Variants in METTL8 observed in about 807,000 individuals in gnomAD.
METTL8 encodes tRNA N(3)-cytidine methyltransferase METTL8, mitochondrial.
METTL8 carries 32 observed loss-of-function variants against 48.7 expected under a neutral mutation model. That is an observed-to-expected ratio of 0.66 (90% CI 0.50 to 0.88). METTL8 has a LOEUF of 0.88. METTL8 is among the 40% of genes least tolerant of loss of function. The pLI is 0.00. For missense variants in METTL8, 464 were observed against 474.4 expected, an observed-to-expected ratio of 0.98 and a Z score of 0.20; for synonymous variants, 136 against 157.1, an observed-to-expected ratio of 0.87 and a Z score of 1.01.
chr2:171,387,179 T>C (rs1467337046), intron 2 of METTL8, among the ~76,000 whole-genome samples: 3 of 152,278 alleles, frequency 2.0e-5, no homozygotes, highest in South Asian at 2.1e-4. Flanking sequence ...AAGCTGCCTA[T>C]GCATGGCTAA....
In METTL8 at chr2:171,339,190, T is replaced by C; in HGVS notation, c.600A>G (p.Ile200Met). Residue 200 changes from isoleucine (I) to methionine (M), a missense_variant, in exon 4 of 10, where the codon ATA becomes ATG. Transcript: ENST00000375258. ...LFPGSNATFR[I>M]LEVGCGAGNS... ...TGTCCCTTGAGCACAATACCTCTAG[T>C]ATCCTGAAAGTGGCATTGCTACCAG... The C allele has an allele frequency of 6.6e-7, 1 of 1,526,344 alleles. No individual in the cohort carries two copies. The allele number at this position is 1,526,344 out of a possible 1,614,324, so 94.6% of individuals were successfully genotyped here.
At position 171,316,990 on chromosome 2, in the gene METTL8, A is replaced by G. The variant is rs550625610; in HGVS notation, c.*7182T>C. 2.0e-5 allele frequency among the ~76,000 whole-genome samples: 3 copies of G among 152,320 alleles called. No homozygotes were observed. Among genetic ancestry groups the G allele is most frequent in the South Asian group, 4.1e-4 (2 of 4,826 alleles). On this transcript the variant is annotated 3_prime_UTR_variant, in exon 10 of 10. Coordinates refer to ENST00000375258, the MANE Select transcript of METTL8 (RefSeq NM_001321154.2). ...TGTTTAGCAGGACTGCCTCAGGAGGAACACAAGTTGCTCTCAGGAGGCAGA... is the reference window on the plus strand; with the variant it reads ...TGTTTAGCAGGACTGCCTCAGGAGGGACACAAGTTGCTCTCAGGAGGCAGA...
chr2:171,379,733 C>G (rs1490986775), intron 2 of METTL8, among the ~76,000 whole-genome samples: 1 of 152,114 alleles, frequency 6.6e-6, no homozygotes, highest in Non-Finnish European at 1.5e-5. Flanking sequence ...AGACCAATAA[C>G]AAGTTCTGAA....
rs193142428 is a variant in METTL8, at chr2:171,430,071, C to T, written c.-13+3812G>A. Among the ~76,000 whole-genome samples, 25 of 150,250 alleles carry T rather than the reference C, an allele frequency of 1.7e-4. No homozygotes were observed. The East Asian group carries it at 3.8e-3, about 23-fold the overall frequency. On this transcript the variant is annotated intron_variant, in intron 1 of 9. Coordinates refer to ENST00000375258, the MANE Select transcript of METTL8 (RefSeq NM_001321154.2). ...AAAGAAAAAAAAAAAAGGAATTCTG[C>T]TATGGGCCAGGAACGGTAGCTCATG...
Position 171,397,973 on chromosome 2 carries a change from A to G in METTL8, c.-12-5776T>C, listed in dbSNP as rs74650574. On this transcript the variant is annotated intron_variant, in intron 1 of 9. Coordinates refer to ENST00000375258, the MANE Select transcript of METTL8 (RefSeq NM_001321154.2). ...CTGGTATTTAAAAACAGCAACAACA[A>G]CCCAGAATATAACAAGTATTGGTGA... Among the ~76,000 whole-genome samples the G allele has an allele frequency of 7.4e-3, 1,122 of 152,316 alleles. 16 individuals are homozygous for G. The highest frequency in any genetic ancestry group is 0.024 in the African/African-American group (1,012 of 41,562).
intron 2 of METTL8, among the ~76,000 whole-genome samples, chr2:171,391,821 G>C (rs1688606059): frequency 6.6e-6 from 1 of 152,098 alleles, no homozygotes; most frequent in Non-Finnish European, 1.5e-5. Flanking sequence ...GAACTCCAAG[G>C]CTACTAAAAG....
intron 3 of METTL8, among the ~76,000 whole-genome samples, chr2:171,359,173 C>T (rs867652103): frequency 3.7e-5 from 4 of 109,574 alleles, no homozygotes; most frequent in African/African-American, 1.4e-4. Flanking sequence ...GACCCTGTCT[C>T]AAAAAAAAAA....
rs531958508 is a variant in METTL8, at chr2:171,367,575, T to C, written c.144-7062A>G. Among the ~76,000 whole-genome samples, 25 of 152,306 alleles carry C rather than the reference T, an allele frequency of 1.6e-4. No individual in the cohort carries two copies. The East Asian group carries it at 2.9e-3, about 18-fold the overall frequency. On this transcript the variant is annotated intron_variant, in intron 2 of 9. Coordinates refer to ENST00000375258, the MANE Select transcript of METTL8 (RefSeq NM_001321154.2). ...AGGGGACCACACGGAGTCTCAGATCTACAGGGTGAAAAAAAGAGACCAGAA... is the reference window on the plus strand; with the variant it reads ...AGGGGACCACACGGAGTCTCAGATCCACAGGGTGAAAAAAAGAGACCAGAA...
At position 171,316,874 on chromosome 2, in the gene METTL8, T is replaced by C. The variant is rs548309042; in HGVS notation, c.*7298A>G. Among the ~76,000 whole-genome samples the C allele has an allele frequency of 3.9e-5, 6 of 152,282 alleles. No individual in the cohort carries two copies. In the South Asian group the frequency reaches 1.2e-3, roughly 32 times the overall value. On this transcript the variant is annotated 3_prime_UTR_variant, in exon 10 of 10. Transcript: ENST00000375258. Reference sequence around the variant, plus strand: ...AATTTTCAGTGCGAGTGCCAAATGCTGCTTAGGGGGATATGTCTCTGCTCA... The same window carrying C: ...AATTTTCAGTGCGAGTGCCAAATGCCGCTTAGGGGGATATGTCTCTGCTCA...
intron 3 of METTL8, among the ~76,000 whole-genome samples, chr2:171,356,673 G>T (rs1051244973): frequency 1.3e-5 from 2 of 151,584 alleles, no homozygotes; most frequent in Admixed American, 6.6e-5. Flanking sequence ...TTGTCTTTCT[G>T]TGCTTGACTT....
Position 171,317,678 on chromosome 2 carries a change from AAACCACAG to A in METTL8, c.*6486_*6493del, listed in dbSNP as rs1684327583. ...CCTTACTTAAGGTTAAGTGGTTGTG[AAACCACAG>A]ACACTGTAGAATCAGAAGCTGTTGT... On this transcript the variant is annotated 3_prime_UTR_variant, in exon 10 of 10. Transcript: ENST00000375258. 2 of 152,204 alleles carry A rather than the reference AAACCACAG, an allele frequency of 1.3e-5. No individual in the cohort carries two copies. Among genetic ancestry groups the A allele is most frequent in the African/African-American group, 2.4e-5 (1 of 41,450 alleles). 9.4% of individuals were successfully genotyped at this position (152,204 alleles called of 1,614,324 possible).
chr2:171,396,974 C>T (rs999361310), intron 1 of METTL8, among the ~76,000 whole-genome samples: 1 of 150,892 alleles, frequency 6.6e-6, no homozygotes, highest in Non-Finnish European at 1.5e-5. Context: ...CAGGCATGTA[C>T]CACCACACCT....
At chr2:171,354,616 C>A (rs1161046270) in intron 3 of METTL8, among the ~76,000 whole-genome samples, 1 of 152,214 alleles carries the variant, frequency 6.6e-6, no homozygotes, top group Non-Finnish European at 1.5e-5. Flanking sequence ...TAGATTTGGT[C>A]TTTTCACATA....
chr2:171,332,911 G>A (rs1007793265), intron 5 of METTL8: 1 of 151,880 alleles, frequency 6.6e-6, no homozygotes, highest in South Asian at 2.1e-4. Context: ...CTAATCCTGA[G>A]AGCCCAAACT....
At chr2:171,325,121 CAAAAAAAAAAA>C (rs3835041) in intron 9 of METTL8, among the ~76,000 whole-genome samples, 7 of 76,044 alleles carry the variant, frequency 9.2e-5, no homozygotes, top group South Asian at 5.1e-4. Flanking sequence ...GACTCTGTCT[CAAAAAAAAAAA>C]AAAAAAAAAG....
chr2:171,330,574 G>C lies in METTL8; in HGVS notation c.845C>G (p.Ser282Cys), dbSNP rs866962520. The change falls in exon 7 of 10, where the codon TCT (serine) becomes TGT (cysteine). Residue 282 changes from serine to cysteine, a missense_variant. Ser to Cys is a moderately radical substitution (Grantham distance 112). Coordinates refer to ENST00000375258, the MANE Select transcript of METTL8 (RefSeq NM_001321154.2). Reference protein sequence around the residue: ...DVILLVFVLSSIHPDRMQGVV... With the variant: ...DVILLVFVLSCIHPDRMQGVV... ...CTTCATTTACCTGTCAGGATGAATA[G>C]AAGAGAGCACAAAGACAAGGAGAAT... 4.3e-6 allele frequency: 7 copies of C among 1,613,818 alleles called. No homozygotes were observed. The Middle Eastern group carries it at 8.2e-4, about 190-fold the overall frequency.
At chr2:171,433,742 C>T (rs79531093) in intron 1 of METTL8, 141 bp downstream of exon 1, 1 of 152,386 alleles carries the variant, frequency 6.6e-6, no homozygotes, top group African/African-American at 2.4e-5. Flanking sequence ...CAAGGACAAG[C>T]CTCCGGGAAA....
At chr2:171,379,085 G>C (rs565143361) in intron 2 of METTL8, among the ~76,000 whole-genome samples, 2 of 152,102 alleles carry the variant, frequency 1.3e-5, no homozygotes, top group Non-Finnish European at 2.9e-5. Flanking sequence ...AATCAAATTA[G>C]AACTCGAGAT....
intron 1 of METTL8, among the ~76,000 whole-genome samples, chr2:171,427,564 C>G (rs1340116420): frequency 6.6e-6 from 1 of 152,148 alleles, no homozygotes. Context: ...CCTTAGGAAT[C>G]CTGAACTCAA....
Sources: gnomAD v4.1 joint callset for allele counts (sites outside exome capture counted in the v4.1 genomes callset) on GRCh38, gnomAD v4.1.1 for gene constraint, MANE v1.5 for transcripts, NCBI Gene and HGNC (gene_info 2026-07-23, HGNC 2026-07-21) for gene names.